The following MAP2 variants were observed in gnomAD, a reference collection of about 807,000 sequenced individuals.
MAP2 encodes the protein microtubule-associated protein 2.
Under a neutral mutation model 137.6 loss-of-function variants are expected in MAP2, and 14 were observed. The observed-to-expected ratio is 0.10, with a 90% CI of 0.07 to 0.16. The LOEUF (loss-of-function observed/expected upper bound fraction) is 0.16. MAP2 is among the 10% of genes least tolerant of loss of function. The probability of loss-of-function intolerance (pLI) is 1.00; values close to 1 mark genes in which losing one functional copy is unlikely to be tolerated. For synonymous variants in MAP2, 786 were observed against 782.3 expected (o/e 1.00, Z -0.08); for missense variants, 2,088 against 2,191.5 (o/e 0.95, Z 0.94).
intron 3 of MAP2, among the ~76,000 whole-genome samples, chr2:209,581,021 C>A (rs970032668): frequency 3.3e-5 from 5 of 152,084 alleles, no homozygotes; most frequent in Non-Finnish European, 5.9e-5. Flanking sequence ...CAGTCCGAAG[C>A]ATTTTACACA....
At chr2:209,585,323 TC>T (rs1410457861) in intron 3 of MAP2, among the ~76,000 whole-genome samples, 1 of 151,886 alleles carries the variant, frequency 6.6e-6, no homozygotes, top group Admixed American at 6.6e-5. Context: ...ACTCAAATTT[TC>T]CAGAAAAACT....
rs1353581870 is a variant in MAP2 at position 209,706,532 on chromosome 2, G to A, written c.4732+805G>A. ...ACTGACCCTCTAGAGAGGGTAACTT[G>A]TCCAGTTACCCTCTAGAGAGGGTAA... On this transcript the variant is annotated intron_variant, in intron 12 of 15. Transcript: ENST00000682079. 5.3e-5 allele frequency among the ~76,000 whole-genome samples: 8 copies of A among 150,802 alleles called. No homozygotes were observed. The South Asian group carries it at 1.5e-3, about 28-fold the overall frequency.
In MAP2 at chr2:209,688,548, C is replaced by T. The variant is rs541959309; in HGVS notation, c.455-4077C>T. 2.6e-5 allele frequency among the ~76,000 whole-genome samples: 4 copies of T among 152,220 alleles called. No individual in the cohort carries two copies. In the East Asian group the frequency reaches 5.8e-4, roughly 22 times the overall value. On this transcript the variant is annotated intron_variant, in intron 7 of 15. Transcript: ENST00000682079. ...TCATCTACAGAAACTACAGAGGCTT[C>T]CCCAGGTGACTAAATCTTGGCTCAC...
chr2:209,703,858 A>G (rs372038703), intron 11 of MAP2: 81 of 377,820 alleles, frequency 2.1e-4, no homozygotes, highest in African/African-American at 1.6e-3. Flanking sequence ...ATTTGGAAGT[A>G]AAGAAGAGCA....
At chr2:209,577,178 G>T (rs2075489055) in intron 2 of MAP2, among the ~76,000 whole-genome samples, 1 of 151,556 alleles carries the variant, frequency 6.6e-6, no homozygotes, top group African/African-American at 2.4e-5. Flanking sequence ...AAGAAAAATA[G>T]ACATTTAACA....
intron 4 of MAP2, among the ~76,000 whole-genome samples, chr2:209,633,245 T>A (rs531161407): frequency 6.6e-6 from 1 of 152,194 alleles, no homozygotes; most frequent in African/African-American, 2.4e-5. Flanking sequence ...AAAGCCTATG[T>A]CTGTTCAATT....
At chr2:209,490,784 C>T (rs2059010355) in intron 1 of MAP2, among the ~76,000 whole-genome samples, 1 of 151,890 alleles carries the variant, frequency 6.6e-6, no homozygotes, top group Non-Finnish European at 1.5e-5. Flanking sequence ...AATACAGGAG[C>T]ACTCAGATTT....
chr2:209,545,074 G>A (rs1334974912), intron 2 of MAP2, among the ~76,000 whole-genome samples: 2 of 152,172 alleles, frequency 1.3e-5, no homozygotes, highest in East Asian at 3.8e-4. Flanking sequence ...GGGAATTTTA[G>A]CTATGGGATA....
chr2:209,565,545 G>A (rs946325027), intron 2 of MAP2, among the ~76,000 whole-genome samples: 1 of 152,084 alleles, frequency 6.6e-6, no homozygotes, highest in Admixed American at 6.6e-5. Context: ...ATTACAGATT[G>A]AATTATATCT....
At chr2:209,541,117 G>A (rs1205627479) in intron 2 of MAP2, among the ~76,000 whole-genome samples, 3 of 150,958 alleles carry the variant, frequency 2.0e-5, no homozygotes, top group Non-Finnish European at 2.9e-5. Flanking sequence ...TGCAACTTCC[G>A]CCTCCCGGGT....
intron 2 of MAP2, among the ~76,000 whole-genome samples, chr2:209,521,500 T>C (rs1559271035): frequency 6.6e-6 from 1 of 151,918 alleles, no homozygotes; most frequent in Non-Finnish European, 1.5e-5. Flanking sequence ...CCCTTTTCTC[T>C]CCTTTTTATC....
intron 2 of MAP2, among the ~76,000 whole-genome samples, chr2:209,522,682 A>C (rs192618520): frequency 1.3e-5 from 2 of 152,124 alleles, no homozygotes; most frequent in East Asian, 1.9e-4. Context: ...CAGGAAATTT[A>C]TTTAAAGCTC....
intron 1 of MAP2, among the ~76,000 whole-genome samples, 157 bp downstream of exon 1, chr2:209,424,433 C>T (rs1444012563): frequency 6.6e-6 from 1 of 152,202 alleles, no homozygotes; most frequent in Non-Finnish European, 1.5e-5. Context: ...AGCCGTGCAC[C>T]TGGCGGAAGA....
intron 2 of MAP2, among the ~76,000 whole-genome samples, chr2:209,509,594 A>T (rs1576656197): frequency 6.6e-6 from 1 of 151,984 alleles, no homozygotes; most frequent in South Asian, 2.1e-4. Context: ...TAAGTCTCTT[A>T]AAACTATATT....
chr2:209,694,109 G>T lies in MAP2; in HGVS notation c.1939G>T (p.Asp647Tyr). 2 of 1,613,914 alleles carry T rather than the reference G, an allele frequency of 1.2e-6. No homozygotes were observed. The highest frequency in any genetic ancestry group is 1.7e-6 in the Non-Finnish European group (2 of 1,179,956). ...YSTLAQSYPS[D>Y]LPEEPSSPQE... ...CACTCTCGCACAGAGTTATCCATCAGATTTACCTGAAGAACCCAGTTCTCC... is the reference window on the plus strand; with the variant it reads ...CACTCTCGCACAGAGTTATCCATCATATTTACCTGAAGAACCCAGTTCTCC... The change falls in exon 8 of 16, where the codon GAT (aspartate) becomes TAT (tyrosine). Residue 647 changes from aspartate (D) to tyrosine (Y), a missense_variant. This residue lies in a region of MAP2 where 859 missense variants were observed against 794.5 expected (regional missense o/e 1.08). Transcript: ENST00000682079.
intron 3 of MAP2, among the ~76,000 whole-genome samples, chr2:209,587,951 A>G (rs1236886018): frequency 6.6e-6 from 1 of 152,224 alleles, no homozygotes; most frequent in African/African-American, 2.4e-5. Flanking sequence ...TGTGAAGTCA[A>G]GTTAAATTGA....
chr2:209,682,520 G>C (rs2055092135), intron 7 of MAP2, among the ~76,000 whole-genome samples: 1 of 152,020 alleles, frequency 6.6e-6, no homozygotes, highest in African/African-American at 2.4e-5. Flanking sequence ...ACACTATCTA[G>C]TGGAGAACAG....
At chr2:209,717,321 C>G (rs2068088571) in intron 13 of MAP2, among the ~76,000 whole-genome samples, 1 of 152,136 alleles carries the variant, frequency 6.6e-6, no homozygotes. Context: ...GTTCCACACA[C>G]TTTTAAATCA....
At position 209,695,680 on chromosome 2, in the gene MAP2, A is replaced by C. The variant is rs1229060136; in HGVS notation, c.3510A>C (p.Ser1170=). The C allele has an allele frequency of 2.5e-6, 4 of 1,614,124 alleles. No homozygotes were observed. The highest frequency in any genetic ancestry group is 3.4e-6 in the Non-Finnish European group (4 of 1,180,000). ...AAGATGAGATTGCCGTCAAATTGTC[A>C]GTGGAAATACCTTGCCCACCTGCTG... ...LIQDEIAVKL[S]VEIPCPPAVS... Residue 1170 remains serine (S), a synonymous_variant, in exon 8 of 16, where the codon TCA becomes TCC. Transcript: ENST00000682079.
Sources: allele counts gnomAD v4.1 joint callset (sites outside exome capture counted in the v4.1 genomes callset), GRCh38; gene constraint gnomAD v4.1.1; regional missense constraint gnomAD v4.1.1; transcripts MANE v1.5; gene names NCBI Gene and HGNC (gene_info 2026-07-23, HGNC 2026-07-21).